The following MYCBP2 variants were observed in gnomAD, a reference collection of about 807,000 sequenced individuals.
MYCBP2 encodes E3 ubiquitin-protein ligase MYCBP2.
MYCBP2 carries 120 observed loss-of-function variants against 525.3 expected under a neutral mutation model. The ratio of observed to expected loss-of-function variants is 0.23; its 90% CI spans 0.20 to 0.27. MYCBP2 has a LOEUF of 0.27. Ranked by LOEUF, MYCBP2 falls within the 10% of genes least tolerant of loss-of-function variation. MYCBP2 has a pLI of 1.00. For missense variants in MYCBP2, 4,149 were observed against 5,657.1 expected (o/e 0.73, Z 8.55); for synonymous variants, 1,894 against 1,955.8 (o/e 0.97, Z 0.83).
Position 77,268,056 on chromosome 13 carries a change from T to C in MYCBP2, c.1261-119A>G, listed in dbSNP as rs1311095515. 6.6e-6 allele frequency: 4 copies of C among 602,418 alleles called. No homozygotes were observed. The East Asian group carries it at 1.1e-4, about 17-fold the overall frequency. The allele number at this position is 602,418 out of a possible 1,614,324, so 37.3% of individuals were successfully genotyped here. A position where few individuals can be genotyped will look rare whatever the true frequency, so the allele number is the denominator to read the frequency against. ...ACAATAATACATCAATATTGATGTC[T>C]AAAAGATATTAATGATTAAAAATAT... On this transcript the variant is annotated intron_variant, in intron 7 of 82. Transcript: ENST00000544440.
chr13:77,107,037 A>G (rs2047964541), intron 55 of MYCBP2, among the ~76,000 whole-genome samples: 2 of 152,120 alleles, frequency 1.3e-5, no homozygotes, highest in South Asian at 4.1e-4. Context: ...ATATTTCTTT[A>G]GATATAAGAA....
intron 1 of MYCBP2, among the ~76,000 whole-genome samples, chr13:77,311,552 G>T (rs1000942693): frequency 6.8e-6 from 1 of 147,684 alleles, no homozygotes; most frequent in African/African-American, 2.5e-5. Context: ...CAGGGAAAGA[G>T]AAGTTTTTTT....
chr13:77,126,689 T>C (rs1300874732), intron 52 of MYCBP2, 147 bp from the exon 53 acceptor site: 1 of 565,674 alleles, frequency 1.8e-6, no homozygotes, highest in African/African-American at 1.9e-5. Context: ...GAATTAGTCA[T>C]TAGCACTAAT....
chr13:77,047,099 T>C (rs1593981894), intron 82 of MYCBP2, among the ~76,000 whole-genome samples: 1 of 152,272 alleles, frequency 6.6e-6, no homozygotes, highest in East Asian at 1.9e-4. Flanking sequence ...GGATTAAAGA[T>C]GAAAAGTGCA....
chr13:77,082,205 A>C lies in MYCBP2; in HGVS notation c.11037-212T>G, dbSNP rs1594346742. On this transcript the variant is annotated intron_variant, in intron 63 of 82. Coordinates refer to ENST00000544440, the MANE Select transcript of MYCBP2 (RefSeq NM_015057.5). ...TTTGGAACAAGGTAAATTCTAAGGA[A>C]AGTTGACCCATTTTAAATATAAAAG... 3 of 453,364 alleles carry C rather than the reference A, an allele frequency of 6.6e-6. No homozygotes were observed. The East Asian group carries it at 1.1e-4, about 16-fold the overall frequency. The allele number at this position is 453,364 out of a possible 1,614,324, so 28.1% of individuals were successfully genotyped here. A position where few individuals can be genotyped will look rare whatever the true frequency, so the allele number is the denominator to read the frequency against.
At chr13:77,048,511 T>G (rs1209393713) in intron 82 of MYCBP2, among the ~76,000 whole-genome samples, 1 of 152,330 alleles carries the variant, frequency 6.6e-6, no homozygotes, top group East Asian at 1.9e-4. Context: ...CTCACATCCC[T>G]GTGGGATCTC....
At chr13:77,077,116 C>CAA in intron 67 of MYCBP2, 32 bp downstream of exon 67, 1 of 1,597,770 alleles carries the variant, frequency 6.3e-7, no homozygotes, top group Non-Finnish European at 8.5e-7. Context: ...CATCAATTAT[C>CAA]CTGTGCTAGA....
chr13:77,055,829 A>G (rs998324853), intron 79 of MYCBP2, 62 bp from the exon 80 acceptor site: 18 of 1,171,314 alleles, frequency 1.5e-5, no homozygotes, highest in Middle Eastern at 2.2e-4. Flanking sequence ...ACAAACACTT[A>G]GCATGCACCT....
chr13:77,142,999 C>T (rs1396553661), intron 49 of MYCBP2, among the ~76,000 whole-genome samples: 2 of 152,168 alleles, frequency 1.3e-5, no homozygotes, highest in Non-Finnish European at 2.9e-5. Flanking sequence ...CACAGAAACC[C>T]CTTTCCTTGA....
intron 80 of MYCBP2, among the ~76,000 whole-genome samples, chr13:77,055,295 C>T (rs910194497): frequency 6.6e-6 from 1 of 152,036 alleles, no homozygotes; most frequent in Non-Finnish European, 1.5e-5. Flanking sequence ...TTGCCCTGGG[C>T]CAACAGGTTA....
At chr13:77,238,681 T>A (rs906456061) in intron 17 of MYCBP2, among the ~76,000 whole-genome samples, 1 of 152,202 alleles carries the variant, frequency 6.6e-6, no homozygotes, top group Non-Finnish European at 1.5e-5. Context: ...CACAAAGATT[T>A]AAAATTAAAA....
At position 77,326,731 on chromosome 13, in the gene MYCBP2, C is replaced by CGAG. The variant is rs2082364218; in HGVS notation, c.42_44dup (p.Ser15dup). The CGAG allele has an allele frequency of 3.5e-6, 5 of 1,409,896 alleles. No individual in the cohort carries two copies. Among genetic ancestry groups the CGAG allele is most frequent in the Non-Finnish European group, 3.7e-6 (4 of 1,095,402 alleles). The allele number at this position is 1,409,896 out of a possible 1,614,324, so 87.3% of individuals were successfully genotyped here. ...GGTAGAATCCGTCCCCGCCGAGCCCCGAGGAGGCGGCGGCGGGGGAGGCAG... is the reference window on the plus strand; with the variant it reads ...GGTAGAATCCGTCCCCGCCGAGCCCCGAGGAGGAGGCGGCGGCGGGGGAGGCAG... On this transcript the variant is annotated inframe_insertion, in exon 1 of 83. Transcript: ENST00000544440. This position sits in a 1 kb window ranked among gnomAD's most constrained non-coding sequence, Gnocchi z 4.2.
At chr13:77,195,724 T>C (rs1029618313) in intron 26 of MYCBP2, among the ~76,000 whole-genome samples, 11 of 152,320 alleles carry the variant, frequency 7.2e-5, no homozygotes, top group African/African-American at 2.6e-4. Context: ...AACAACTAAT[T>C]AGTCTTATCT....
At chr13:77,093,916 A>G (rs2045833448) in intron 58 of MYCBP2, among the ~76,000 whole-genome samples, 1 of 152,190 alleles carries the variant, frequency 6.6e-6, no homozygotes, top group African/African-American at 2.4e-5. Flanking sequence ...AAAAAAATCT[A>G]TAATTATGCT....
chr13:77,267,698 A>G lies in MYCBP2; in HGVS notation c.1357+143T>C, dbSNP rs912593881. ...ATGTATTAACTTCACGTAGACTATAAAATGCTTTGTATGTCAAGATTTTTA... is the reference window on the plus strand; with the variant it reads ...ATGTATTAACTTCACGTAGACTATAGAATGCTTTGTATGTCAAGATTTTTA... On this transcript the variant is annotated intron_variant, in intron 8 of 82. Coordinates refer to ENST00000544440, the MANE Select transcript of MYCBP2 (RefSeq NM_015057.5). The G allele has an allele frequency of 1.5e-5, 10 of 668,928 alleles. No homozygotes were observed. In the Admixed American group the frequency reaches 2.3e-4, roughly 15 times the overall value. 41.4% of individuals were successfully genotyped at this position (668,928 alleles called of 1,614,324 possible).
intron 13 of MYCBP2, among the ~76,000 whole-genome samples, chr13:77,259,706 T>C (rs1354339208): frequency 6.6e-6 from 1 of 152,214 alleles, no homozygotes; most frequent in African/African-American, 2.4e-5. Flanking sequence ...ATATTTCTAA[T>C]CATAAACTTC....
intron 3 of MYCBP2, among the ~76,000 whole-genome samples, chr13:77,285,827 G>T (rs1453141724): frequency 1.4e-5 from 2 of 142,266 alleles, no homozygotes; most frequent in Admixed American, 1.4e-4. Context: ...AAAGGGAAAA[G>T]GAAAGGGAAA....
chr13:77,058,580 CTTAACAAAGTTTTTT>C lies in MYCBP2; in HGVS notation c.13141-189_13141-175del, dbSNP rs2038633344. On this transcript the variant is annotated intron_variant, in intron 77 of 82. Coordinates refer to ENST00000544440, the MANE Select transcript of MYCBP2 (RefSeq NM_015057.5). The surrounding 1 kb of genome is among the most constrained non-coding windows in gnomAD (Gnocchi z 4.1). ...CTTTGTTTGAATATAAATTAGGCTTCTTAACAAAGTTTTTTTTTTTTGATGCGATTTTTAAAAAAT... is the reference window on the plus strand; with the variant it reads ...CTTTGTTTGAATATAAATTAGGCTTCTTTTTTGATGCGATTTTTAAAAAAT... Among the ~76,000 whole-genome samples, 1 of 151,716 alleles carries C rather than the reference CTTAACAAAGTTTTTT, an allele frequency of 6.6e-6. No homozygotes were observed. Among genetic ancestry groups the C allele is most frequent in the Non-Finnish European group, 1.5e-5 (1 of 67,966 alleles).
rs560194129 is a variant in MYCBP2 at position 77,311,188 on chromosome 13, C to T, written c.303-14514G>A. On this transcript the variant is annotated intron_variant, in intron 1 of 82. Transcript: ENST00000544440. Reference sequence around the variant, plus strand: ...TTAAAACTCTTTCTGGCCAGAGGAACTGAGAAAAGAAACTGATATGATGGA... The same window carrying T: ...TTAAAACTCTTTCTGGCCAGAGGAATTGAGAAAAGAAACTGATATGATGGA... 1.5e-3 allele frequency among the ~76,000 whole-genome samples: 234 copies of T among 152,138 alleles called. 1 individual carries two copies. Among genetic ancestry groups the T allele is most frequent in the African/African-American group, 5.4e-3 (225 of 41,484 alleles).
Sources: allele counts gnomAD v4.1 joint callset (sites outside exome capture counted in the v4.1 genomes callset), GRCh38; gene constraint gnomAD v4.1.1; non-coding constraint Gnocchi (gnomAD v3.1); transcripts MANE v1.5; gene names NCBI Gene and HGNC (gene_info 2026-07-23, HGNC 2026-07-21).